The following ARHGAP6 variants were observed in gnomAD, a reference collection of about 807,000 sequenced individuals.
ARHGAP6 encodes the protein Rho GTPase activating protein 6, also known as rho GTPase-activating protein 6.
In ARHGAP6, 16 loss-of-function variants were observed where a neutral mutation model predicts 55.7. The ratio of observed to expected loss-of-function variants is 0.29; its 90% CI spans 0.19 to 0.44. The LOEUF is 0.44. Ranked by LOEUF, ARHGAP6 falls within the 20% of genes least tolerant of loss-of-function variation. ARHGAP6 has a pLI of 1.00. For missense variants in ARHGAP6, 698 were observed against 808.9 expected (o/e 0.86, Z 1.66); for synonymous variants, 382 against 360.9 (o/e 1.06, Z -0.66).
In ARHGAP6 at chrX:11,664,577, C is replaced by G. The variant is rs771093425; in HGVS notation, c.252G>C (p.Arg84=). The G allele has an allele frequency of 2.8e-5, 33 of 1,183,027 alleles. No individual in the cohort carries two copies. The African/African-American group carries it at 5.1e-4, about 18-fold the overall frequency. The stretch of plus-strand genomic sequence containing the variant: ...GCCTGGTGGCCCTGGGGGGCGGACC[C>G]CGGGAAGAGGACGCCAAGCGAGGGC... ...SLGPRLASSS[R]GPPPRATRLP... Residue 84 remains arginine (R), a synonymous_variant, in exon 1 of 13, where the codon CGG becomes CGC. Coordinates refer to ENST00000337414, the MANE Select transcript of ARHGAP6 (RefSeq NM_013427.3).
At chrX:11,355,130 G>C (rs905529862) in intron 1 of ARHGAP6, among the ~76,000 whole-genome samples, 4 of 111,591 alleles carry the variant, frequency 3.6e-5, no homozygotes, top group African/African-American at 9.8e-5. Flanking sequence ...AAGCTCAAAT[G>C]AACTCCAAGT....
At chrX:11,468,632 T>C (rs2147824465) in intron 1 of ARHGAP6, among the ~76,000 whole-genome samples, 1 of 112,997 alleles carries the variant, frequency 8.8e-6, no homozygotes, top group African/African-American at 3.2e-5. Context: ...ATCTGTTTAG[T>C]AGCAGAAGTA....
At position 11,138,806 on chromosome X, in the gene ARHGAP6, C is replaced by T; in HGVS notation, c.*57G>A. ...GTGCCAGTGGCCACCACCCACGGTCCCCCCTGGGCTGGAGGGCGGGGGGCT... is the reference window on the plus strand; with the variant it reads ...GTGCCAGTGGCCACCACCCACGGTCTCCCCTGGGCTGGAGGGCGGGGGGCT... On this transcript the variant is annotated 3_prime_UTR_variant, in exon 13 of 13. Transcript: ENST00000337414. 9.0e-7 allele frequency: 1 copy of T among 1,110,861 alleles called. No homozygotes were observed. The allele number at this position is 1,110,861 out of a possible 1,213,427, so 91.5% of individuals were successfully genotyped here. A position where few individuals can be genotyped will look rare whatever the true frequency, so the allele number is the denominator to read the frequency against.
chrX:11,256,953 G>A (rs1301226690), intron 1 of ARHGAP6, among the ~76,000 whole-genome samples: 2 of 111,230 alleles, frequency 1.8e-5, no homozygotes, highest in Non-Finnish European at 3.8e-5. Flanking sequence ...GTCACATTCA[G>A]TGAACAGAAG....
intron 1 of ARHGAP6, among the ~76,000 whole-genome samples, chrX:11,578,353 A>C (rs1341551141): frequency 8.9e-6 from 1 of 112,298 alleles, no homozygotes; most frequent in East Asian, 2.8e-4. Flanking sequence ...TTAAAAAAAA[A>C]CCACTTTTTG....
chrX:11,371,357 A>G (rs780361929), intron 1 of ARHGAP6, among the ~76,000 whole-genome samples: 1 of 112,170 alleles, frequency 8.9e-6, no homozygotes, highest in East Asian at 2.8e-4. Flanking sequence ...TGTATTGTCT[A>G]TGACTGTTTT....
chrX:11,139,250 G>A lies in ARHGAP6; in HGVS notation c.2538C>T (p.Ala846=), dbSNP rs1023458331. 8.4e-7 allele frequency: 1 copy of A among 1,196,539 alleles called. No individual in the cohort carries two copies. The highest frequency in any genetic ancestry group is 1.7e-5 in the African/African-American group (1 of 57,195). ...RSEQYLTLSG[A]HDLSESELDV... ...CCAGCTCACTCTCGCTGAGGTCGTG[G>A]GCGCCGCTCAGGGTCAAGTACTGCT... is the stretch of plus-strand genomic sequence containing the variant. Residue 846 remains alanine, a synonymous_variant, in exon 13 of 13, where the codon GCC becomes GCT. Coordinates refer to ENST00000337414, the MANE Select transcript of ARHGAP6 (RefSeq NM_013427.3).
intron 1 of ARHGAP6, among the ~76,000 whole-genome samples, chrX:11,551,624 T>C (rs1477703990): frequency 8.9e-6 from 1 of 111,867 alleles, no homozygotes; most frequent in East Asian, 2.8e-4. Context: ...AGATAGGGAA[T>C]AAACAGAAGT....
intron 1 of ARHGAP6, among the ~76,000 whole-genome samples, chrX:11,442,968 ACT>A (rs1293258423): frequency 9.0e-6 from 1 of 111,725 alleles, no homozygotes; most frequent in Non-Finnish European, 1.9e-5. Flanking sequence ...TGTTTTTGAA[ACT>A]CTTTATTGAA....
chrX:11,409,429 AG>A (rs1238813132), intron 1 of ARHGAP6, among the ~76,000 whole-genome samples: 4 of 111,893 alleles, frequency 3.6e-5, no homozygotes, highest in Non-Finnish European at 7.5e-5. Flanking sequence ...GGCCTCTCCA[AG>A]TCTTGCTGCC....
At chrX:11,483,676 C>T (rs2050482126) in intron 1 of ARHGAP6, among the ~76,000 whole-genome samples, 1 of 110,587 alleles carries the variant, frequency 9.0e-6, no homozygotes, top group Non-Finnish European at 1.9e-5. Context: ...TCACTTAAGC[C>T]ACTGCTGATT....
At position 11,664,942 on chromosome X, in the gene ARHGAP6, G is replaced by A. The variant is rs939644982; in HGVS notation, c.-114C>T. ...AGGTGCCAGGCGGGGCTGGCCCGGGGTTTGCCCAGGGCAGTGGAGAGCAAA... is the reference window on the plus strand; with the variant it reads ...AGGTGCCAGGCGGGGCTGGCCCGGGATTTGCCCAGGGCAGTGGAGAGCAAA... On this transcript the variant is annotated 5_prime_UTR_variant, in exon 1 of 13. Coordinates refer to ENST00000337414, the MANE Select transcript of ARHGAP6 (RefSeq NM_013427.3). 34 of 801,266 alleles carry A rather than the reference G, an allele frequency of 4.2e-5. No individual in the cohort carries two copies. In the African/African-American group the frequency reaches 6.9e-4, roughly 16 times the overall value. 66.0% of individuals were successfully genotyped at this position (801,266 alleles called of 1,213,427 possible).
Position 11,358,112 on chromosome X carries a change from C to T in ARHGAP6, c.589-103405G>A, listed in dbSNP as rs751516006. 9.8e-5 allele frequency among the ~76,000 whole-genome samples: 11 copies of T among 112,046 alleles called. No homozygotes were observed. In the Admixed American group the frequency reaches 1.0e-3, roughly 11 times the overall value. ...CCTCTGTGGATTTGCCTGTTCTGGA[C>T]ATTTCATATATATCCAGTCATACAA... On this transcript the variant is annotated intron_variant, in intron 1 of 12. Coordinates refer to ENST00000337414, the MANE Select transcript of ARHGAP6 (RefSeq NM_013427.3).
chrX:11,478,438 T>C (rs188667840), intron 1 of ARHGAP6, among the ~76,000 whole-genome samples: 6 of 112,118 alleles, frequency 5.4e-5, no homozygotes, highest in Admixed American at 4.7e-4. Context: ...CATTAACTCA[T>C]ACAGTATTAT....
At chrX:11,235,522 T>C (rs1047611422) in intron 2 of ARHGAP6, among the ~76,000 whole-genome samples, 1 of 111,801 alleles carries the variant, frequency 8.9e-6, no homozygotes, top group Non-Finnish European at 1.9e-5. Context: ...CTTATGCAAA[T>C]TTCTGCAGCC....
At chrX:11,236,241 G>A (rs1447030427) in intron 2 of ARHGAP6, among the ~76,000 whole-genome samples, 1 of 111,823 alleles carries the variant, frequency 8.9e-6, no homozygotes, top group African/African-American at 3.3e-5. Flanking sequence ...CAGCAGCAAG[G>A]AGAATTGCAG....
intron 1 of ARHGAP6, among the ~76,000 whole-genome samples, chrX:11,615,453 G>C (rs766686853): frequency 1.9e-4 from 21 of 111,735 alleles, no homozygotes; most frequent in African/African-American, 6.8e-4. Flanking sequence ...AAAGTAATTT[G>C]CAGAATATCT....
intron 1 of ARHGAP6, among the ~76,000 whole-genome samples, chrX:11,343,392 T>C (rs1004975789): frequency 2.7e-5 from 3 of 112,410 alleles, no homozygotes; most frequent in Non-Finnish European, 5.6e-5. Flanking sequence ...AGGGCTGTCC[T>C]GATTGTAACT....
At chrX:11,520,131 TTA>T (rs1160731443) in intron 1 of ARHGAP6, among the ~76,000 whole-genome samples, 1,533 of 18,175 alleles carry the variant, frequency 0.084, 50 homozygotes, top group Non-Finnish European at 0.098. Context: ...AGAATTGATT[TTA>T]TATATATATA....
Sources: allele counts gnomAD v4.1 joint callset (sites outside exome capture counted in the v4.1 genomes callset), GRCh38; gene constraint gnomAD v4.1.1; transcripts MANE v1.5; gene names NCBI Gene and HGNC (gene_info 2026-07-23, HGNC 2026-07-21).